The following SPMAP2L variants were observed in gnomAD, a reference collection of about 807,000 sequenced individuals.
SPMAP2L encodes the protein sperm microtubule associated protein 2-like.
At chr4:56,537,241 G>A in the SPMAP2L span, among the ~76,000 whole-genome samples, 2 of 152,068 alleles carry the variant, frequency 1.3e-5, no homozygotes, top group Non-Finnish European at 2.9e-5. Context: ...TGCGGGCTCT[G>A]TCCTGACTCC....
chr4:56,584,357 A>G, the SPMAP2L span: 2 of 592,302 alleles, frequency 3.4e-6, no homozygotes, highest in African/African-American at 3.7e-5. Context: ...TCTGATAGAA[A>G]GAGCATGACT....
At chr4:56,618,706 G>T in the SPMAP2L span, among the ~76,000 whole-genome samples, 1 of 152,210 alleles carries the variant, frequency 6.6e-6, no homozygotes, top group Non-Finnish European at 1.5e-5. Context: ...TACAGTTCAA[G>T]ATGAGATTTG....
At chr4:56,610,198 C>T in the SPMAP2L span, among the ~76,000 whole-genome samples, 1 of 152,086 alleles carries the variant, frequency 6.6e-6, no homozygotes, top group Non-Finnish European at 1.5e-5. Flanking sequence ...TGATTTCAAA[C>T]TACTAAAAGG....
At chr4:56,595,053 C>A in the SPMAP2L span, 3 of 1,609,770 alleles carry the variant, frequency 1.9e-6, no homozygotes, top group South Asian at 1.1e-5. Context: ...CTGTGGGAAC[C>A]GTCAGTGCGG....
At chr4:56,538,726 C>T in the SPMAP2L span, among the ~76,000 whole-genome samples, 4 of 152,144 alleles carry the variant, frequency 2.6e-5, no homozygotes, top group African/African-American at 9.7e-5. Context: ...TCACTTGAAT[C>T]CGGGAGGTGG....
chr4:56,593,768 C>T, the SPMAP2L span: 3 of 1,574,470 alleles, frequency 1.9e-6, no homozygotes, highest in Admixed American at 1.7e-5. Context: ...CAGGGAGCAA[C>T]ACACTGAGAG....
chr4:56,593,522 C>T, the SPMAP2L span: 41 of 1,598,292 alleles, frequency 2.6e-5, no homozygotes, highest in South Asian at 3.9e-4. Context: ...GGGAGCCTGG[C>T]CTGCTGTGTG....
the SPMAP2L span, among the ~76,000 whole-genome samples, chr4:56,566,716 T>TG: frequency 9.5e-6 from 1 of 105,568 alleles, no homozygotes; most frequent in Non-Finnish European, 1.8e-5. Context: ...TTTTTTTTTT[T>TG]GGCAGAGTTT....
At chr4:56,537,547 T>A in the SPMAP2L span, among the ~76,000 whole-genome samples, 152 of 152,334 alleles carry the variant, frequency 1.0e-3, 1 homozygote, top group Middle Eastern at 3.4e-3. Flanking sequence ...AATCTATTCT[T>A]CTTGCCTCAC....
chr4:56,531,029 C>A, the SPMAP2L span: 1 of 1,535,524 alleles, frequency 6.5e-7, no homozygotes, highest in East Asian at 2.4e-5. Flanking sequence ...GCCCGTGAAC[C>A]CCGCCAGCTC....
chr4:56,600,930 A>C, the SPMAP2L span: 1 of 1,533,394 alleles, frequency 6.5e-7, no homozygotes, highest in Non-Finnish European at 8.7e-7. Context: ...TGTTTCCACT[A>C]TAGGTACCTC....
the SPMAP2L span, among the ~76,000 whole-genome samples, chr4:56,610,359 T>C: frequency 3.4e-3 from 515 of 152,272 alleles, 2 homozygotes; most frequent in African/African-American, 0.012. Flanking sequence ...GGACACCCTA[T>C]TCAACAAGTG....
chr4:56,612,730 C>A, the SPMAP2L span, among the ~76,000 whole-genome samples: 1 of 152,086 alleles, frequency 6.6e-6, no homozygotes, highest in Admixed American at 6.5e-5. Context: ...CCACGCCCGG[C>A]TAATTTTTGT....
the SPMAP2L span, among the ~76,000 whole-genome samples, chr4:56,554,504 T>C: frequency 6.6e-6 from 1 of 152,232 alleles, no homozygotes; most frequent in African/African-American, 2.4e-5. Context: ...GCCCACTTTT[T>C]AGTTGGGCTA....
chr4:56,575,925 G>T, the SPMAP2L span, among the ~76,000 whole-genome samples: 1 of 152,126 alleles, frequency 6.6e-6, no homozygotes, highest in Non-Finnish European at 1.5e-5. Flanking sequence ...ACAGGTTTTT[G>T]CAATTTGTGG....
chr4:56,537,739 G>A, the SPMAP2L span, among the ~76,000 whole-genome samples: 2 of 151,302 alleles, frequency 1.3e-5, no homozygotes, highest in Non-Finnish European at 1.5e-5. Flanking sequence ...CGCCCAGGCT[G>A]GAGTGCAGTG....
the SPMAP2L span, among the ~76,000 whole-genome samples, chr4:56,561,508 C>T: frequency 1.4e-3 from 206 of 152,216 alleles, no homozygotes; most frequent in African/African-American, 4.4e-3. Context: ...AAAGGGAAAG[C>T]AGGCATGTGC....
chr4:56,605,040 TA>T, the SPMAP2L span, among the ~76,000 whole-genome samples: 1 of 152,150 alleles, frequency 6.6e-6, no homozygotes, highest in East Asian at 1.9e-4. Flanking sequence ...AAAGATTACA[TA>T]ATGGGTACAG....
the SPMAP2L span, among the ~76,000 whole-genome samples, chr4:56,577,094 A>G: frequency 1.7e-4 from 25 of 150,188 alleles, no homozygotes; most frequent in African/African-American, 6.1e-4. Context: ...TGTGCTTTCA[A>G]ATTAAAGTAC....
Sources: gnomAD v4.1 joint callset for allele counts (sites outside exome capture counted in the v4.1 genomes callset) on GRCh38, gnomAD v4.1.1 for gene constraint, MANE v1.5 for transcripts, NCBI Gene and HGNC (gene_info 2026-07-23, HGNC 2026-07-21) for gene names.